The following HTR2C variants were observed in gnomAD, a reference collection of about 807,000 sequenced individuals.
The protein encoded by HTR2C is 5-hydroxytryptamine receptor 2C, also known as 5-hydroxytryptamine (serotonin) receptor 2C, G protein-coupled.
In HTR2C, 5 loss-of-function variants were observed where a neutral mutation model predicts 21.0. The observed-to-expected ratio is 0.24, with a 90% CI of 0.12 to 0.50. The LOEUF is 0.50. HTR2C is among the 20% of genes least tolerant of loss of function. The pLI is 0.98. For synonymous variants in HTR2C, 150 were observed against 145.3 expected, an observed-to-expected ratio of 1.03 and a Z score of -0.23; for missense variants, 271 against 371.2, an observed-to-expected ratio of 0.73 and a Z score of 2.22.
chrX:114,828,078 C>T (rs2070693071), intron 4 of HTR2C, among the ~76,000 whole-genome samples: 1 of 110,821 alleles, frequency 9.0e-6, no homozygotes, highest in Admixed American at 9.7e-5. Flanking sequence ...TCCAATGATA[C>T]AAATGTTAAA....
At chrX:114,651,957 T>C (rs781944925) in intron 2 of HTR2C, among the ~76,000 whole-genome samples, 3 of 111,793 alleles carry the variant, frequency 2.7e-5, no homozygotes, top group Non-Finnish European at 5.7e-5. Context: ...GAAATTTCTT[T>C]TGATGACACA....
intron 5 of HTR2C, among the ~76,000 whole-genome samples, chrX:114,861,535 T>C (rs2071006273): frequency 8.9e-6 from 1 of 111,852 alleles, no homozygotes; most frequent in African/African-American, 3.2e-5. Context: ...CTATTTCTAA[T>C]ATTTCTAAAA....
At chrX:114,825,191 A>G (rs1461908637) in intron 4 of HTR2C, among the ~76,000 whole-genome samples, 2 of 111,177 alleles carry the variant, frequency 1.8e-5, no homozygotes, top group African/African-American at 3.3e-5. Context: ...TTTTTTGCCT[A>G]GCACTTTAAT....
intron 5 of HTR2C, among the ~76,000 whole-genome samples, chrX:114,859,105 GC>G (rs1309783830): frequency 4.6e-5 from 5 of 109,290 alleles, no homozygotes; most frequent in Non-Finnish European, 7.6e-5. Context: ...GAGAGATTTT[GC>G]CTTGTCATTT....
At chrX:114,671,238 A>G (rs782264498) in intron 2 of HTR2C, among the ~76,000 whole-genome samples, 6 of 112,072 alleles carry the variant, frequency 5.4e-5, no homozygotes, top group Admixed American at 1.9e-4. Flanking sequence ...TGTTTTTTCT[A>G]CCAAAATTAT....
At chrX:114,701,128 G>T (rs1296876342) in intron 2 of HTR2C, among the ~76,000 whole-genome samples, 1 of 112,377 alleles carries the variant, frequency 8.9e-6, no homozygotes, top group Non-Finnish European at 1.9e-5. Context: ...ACCCCTGGGG[G>T]CAGGGCACAG....
Position 114,848,173 on chromosome X carries a change from A to C in HTR2C, c.520A>C (p.Lys174Gln). ...RFNSRTKAIMKIAIVWAISIG... is the reference protein window; with the variant it reads ...RFNSRTKAIMQIAIVWAISIG... ...CAATTCGCGGACTAAGGCCATCATG[A>C]AGATTGCTATTGTTTGGGCAATTTC... is the stretch of plus-strand genomic sequence containing the variant. The change falls in exon 5 of 6, where the codon AAG (lysine) becomes CAG (glutamine). Residue 174 changes from lysine to glutamine, a missense_variant. Transcript: ENST00000276198. The C allele has an allele frequency of 8.3e-7, 1 of 1,210,936 alleles. No individual in the cohort carries two copies. Among genetic ancestry groups the C allele is most frequent in the Non-Finnish European group, 1.1e-6 (1 of 894,665 alleles).
At chrX:114,593,407 T>G (rs1394792388) in intron 1 of HTR2C, among the ~76,000 whole-genome samples, 1 of 111,354 alleles carries the variant, frequency 9.0e-6, no homozygotes, top group Non-Finnish European at 1.9e-5. Flanking sequence ...CTATCGCATT[T>G]TATTTTTATT....
intron 2 of HTR2C, among the ~76,000 whole-genome samples, chrX:114,640,841 G>A (rs1206502752): frequency 1.5e-4 from 16 of 109,690 alleles, no homozygotes; most frequent in African/African-American, 4.9e-4. Context: ...CTATTTTATT[G>A]CGCTGTTTCT....
intron 2 of HTR2C, among the ~76,000 whole-genome samples, chrX:114,708,864 G>A (rs73565333): frequency 0.069 from 7,613 of 110,716 alleles, 629 homozygotes; most frequent in African/African-American, 0.23. Context: ...ACTTTCTCTG[G>A]TTACTTAACT....
At chrX:114,769,174 A>G (rs1448521716) in intron 4 of HTR2C, among the ~76,000 whole-genome samples, 18 of 111,756 alleles carry the variant, frequency 1.6e-4, no homozygotes, top group African/African-American at 5.5e-4. Context: ...TATTTATTCA[A>G]TGACTACTAC....
chrX:114,626,478 C>A (rs782032913), intron 2 of HTR2C, among the ~76,000 whole-genome samples: 1 of 111,558 alleles, frequency 9.0e-6, no homozygotes, highest in African/African-American at 3.3e-5. Flanking sequence ...AATTATTATA[C>A]CTGTAACAAA....
chrX:114,907,431 T>C lies in HTR2C; in HGVS notation c.*16T>C. The C allele has an allele frequency of 8.9e-7, 1 of 1,129,233 alleles. No homozygotes were observed. The highest frequency in any genetic ancestry group is 1.2e-6 in the Non-Finnish European group (1 of 822,995). The allele number at this position is 1,129,233 out of a possible 1,213,427, so 93.1% of individuals were successfully genotyped here. A position where few individuals can be genotyped will look rare whatever the true frequency, so the allele number is the denominator to read the frequency against. On this transcript the variant is annotated 3_prime_UTR_variant, in exon 6 of 6. Transcript: ENST00000276198. ...CAGTGTGTGAGAAAGAACAGCACAG[T>C]CTTTTCCTACGGTACAAGCTACATA...
intron 3 of HTR2C, among the ~76,000 whole-genome samples, chrX:114,727,446 G>C (rs1278984820): frequency 8.9e-6 from 1 of 111,735 alleles, no homozygotes; most frequent in Non-Finnish European, 1.9e-5. Context: ...CAGAAGTATT[G>C]ATGCAGTGAC....
intron 2 of HTR2C, among the ~76,000 whole-genome samples, chrX:114,715,508 C>T (rs1340799907): frequency 1.2e-5 from 1 of 81,981 alleles, no homozygotes; most frequent in Non-Finnish European, 2.4e-5. Flanking sequence ...TTTTAAGTGT[C>T]TTGACAAAAG....
chrX:114,765,955 T>A (rs2069943966), intron 4 of HTR2C, among the ~76,000 whole-genome samples: 2 of 111,632 alleles, frequency 1.8e-5, no homozygotes, highest in Non-Finnish European at 3.8e-5. Flanking sequence ...TCATGATATA[T>A]CTTCAAAGAC....
intron 5 of HTR2C, among the ~76,000 whole-genome samples, chrX:114,901,967 T>C (rs1556485352): frequency 9.0e-6 from 1 of 111,556 alleles, no homozygotes. Flanking sequence ...TAGTTATTAT[T>C]ATTGGAATTA....
At chrX:114,766,323 T>C (rs2069947438) in intron 4 of HTR2C, among the ~76,000 whole-genome samples, 1 of 111,870 alleles carries the variant, frequency 8.9e-6, no homozygotes, top group East Asian at 2.8e-4. Flanking sequence ...GTTAATTTCA[T>C]ATGTGCTTTT....
chrX:114,837,259 TTGA>T (rs782617890), intron 4 of HTR2C, among the ~76,000 whole-genome samples: 15 of 112,028 alleles, frequency 1.3e-4, no homozygotes, highest in African/African-American at 4.5e-4. Flanking sequence ...CTGTGTATGG[TTGA>T]TGTTATTTTT....
Sources: gnomAD v4.1 joint callset for allele counts (sites outside exome capture counted in the v4.1 genomes callset) on GRCh38, gnomAD v4.1.1 for gene constraint, MANE v1.5 for transcripts, NCBI Gene and HGNC (gene_info 2026-07-23, HGNC 2026-07-21) for gene names.